Variants in PLEKHG4B observed in about 807,000 individuals in gnomAD.
The protein encoded by PLEKHG4B is pleckstrin homology domain-containing family G member 4B.
In PLEKHG4B, 111 loss-of-function variants were observed where a neutral mutation model predicts 121.3. The observed-to-expected ratio is 0.92, with a 90% confidence interval of 0.78 to 1.07. The LOEUF (loss-of-function observed/expected upper bound fraction) is 1.07, where lower values mean the gene tolerates loss of function less well. PLEKHG4B is among the 50% of genes least tolerant of loss of function. The pLI is 0.00. For missense variants in PLEKHG4B, 1,831 were observed against 1,757.8 expected (o/e 1.04, Z -0.74); for synonymous variants, 738 against 725.0 (o/e 1.02, Z -0.29).
intron 2 of PLEKHG4B, among the ~76,000 whole-genome samples, chr5:120,932 C>A (rs973586517): frequency 6.6e-6 from 1 of 152,062 alleles, no homozygotes; most frequent in African/African-American, 2.4e-5. Context: ...TGGAGAGTTT[C>A]AGATTTCGAA....
intron 6 of PLEKHG4B, among the ~76,000 whole-genome samples, chr5:149,359 A>T (rs558968448): frequency 1.3e-5 from 2 of 151,804 alleles, no homozygotes; most frequent in African/African-American, 4.8e-5. Flanking sequence ...CCTGGGCAAT[A>T]TAGTAAGACT....
At position 161,844 on chromosome 5, in the gene PLEKHG4B, T is replaced by C; in HGVS notation, c.2549T>C (p.Val850Ala). ...KENPQRTEEM[V>A]QDFRRGLSAV... ...AACCCGCAACGTACAGAGGAAATGGTCCAGGATTTCAGAAGGGGCCTGAGC... is the reference window on the plus strand; with the variant it reads ...AACCCGCAACGTACAGAGGAAATGGCCCAGGATTTCAGAAGGGGCCTGAGC... The change falls in exon 12 of 20, where the codon GTC (valine) becomes GCC (alanine). Residue 850 changes from valine to alanine, a missense_variant. By Grantham distance (64) the Val-to-Ala change is moderately conservative. Coordinates refer to ENST00000637938, the MANE Select transcript of PLEKHG4B (RefSeq NM_052909.5). 2.5e-6 allele frequency: 4 copies of C among 1,613,910 alleles called. No homozygotes were observed. Among genetic ancestry groups the C allele is most frequent in the Non-Finnish European group, 3.4e-6 (4 of 1,180,030 alleles).
At chr5:108,916 A>G (rs1374882620) in intron 1 of PLEKHG4B, among the ~76,000 whole-genome samples, 4 of 152,224 alleles carry the variant, frequency 2.6e-5, no homozygotes, top group Non-Finnish European at 5.9e-5. Context: ...TACCTGGGCC[A>G]GACGCCAGGA....
rs1735926454 is a variant in PLEKHG4B at position 159,651 on chromosome 5, T to G, written c.2488-2132T>G. Among the ~76,000 whole-genome samples, 1 of 152,206 alleles carries G rather than the reference T, an allele frequency of 6.6e-6. No homozygotes were observed. Among genetic ancestry groups the G allele is most frequent in the South Asian group, 2.1e-4 (1 of 4,828 alleles). Reference sequence around the variant, plus strand: ...TTTGTTCTGGCGCCAGAGGCTTTCCTGGCGACCCCTGGCTAGGAAGCCTGT... The same window carrying G: ...TTTGTTCTGGCGCCAGAGGCTTTCCGGGCGACCCCTGGCTAGGAAGCCTGT... On this transcript the variant is annotated intron_variant, in intron 11 of 19. Coordinates refer to ENST00000637938, the MANE Select transcript of PLEKHG4B (RefSeq NM_052909.5). This position sits in a 1 kb window ranked among gnomAD's most constrained non-coding sequence, Gnocchi z 5.5.
intron 2 of PLEKHG4B, among the ~76,000 whole-genome samples, chr5:127,664 A>C (rs929289773): frequency 6.6e-6 from 1 of 152,028 alleles, no homozygotes; most frequent in African/African-American, 2.4e-5. Flanking sequence ...ACAATATTGA[A>C]CTTGCACCTC....
chr5:107,075 T>G (rs10070362), intron 1 of PLEKHG4B, among the ~76,000 whole-genome samples: 1 of 152,112 alleles, frequency 6.6e-6, no homozygotes, highest in African/African-American at 2.4e-5. Flanking sequence ...GACTTGTGGA[T>G]GTAGACCCAC....
chr5:160,994 TACCTTCTG>T (rs1342405134), intron 11 of PLEKHG4B, among the ~76,000 whole-genome samples: 5 of 152,230 alleles, frequency 3.3e-5, no homozygotes, highest in African/African-American at 1.2e-4. Flanking sequence ...GGTCATTCGG[TACCTTCTG>T]ATGGTCATGG....
Position 139,406 on chromosome 5 carries a change from G to T in PLEKHG4B, c.244-77G>T, listed in dbSNP as rs1579276021. The T allele has an allele frequency of 2.5e-6, 1 of 398,724 alleles. No individual in the cohort carries two copies. The highest frequency in any genetic ancestry group is 3.6e-5 in the East Asian group (1 of 28,076). The allele number at this position is 398,724 out of a possible 1,614,324, so 24.7% of individuals were successfully genotyped here. Reference sequence around the variant, plus strand: ...AGCTCAGTCACTGACCTTCCCCTGAGGGGTGGAGACCCAGGGCATGGAAGG... The same window carrying T: ...AGCTCAGTCACTGACCTTCCCCTGATGGGTGGAGACCCAGGGCATGGAAGG... On this transcript the variant is annotated intron_variant, in intron 2 of 19. Coordinates refer to ENST00000637938, the MANE Select transcript of PLEKHG4B (RefSeq NM_052909.5). The surrounding 1 kb of genome is among the most constrained non-coding windows in gnomAD (Gnocchi z 5.0).
intron 3 of PLEKHG4B, among the ~76,000 whole-genome samples, chr5:141,711 A>ATTTTTTTTTT (rs34273619): frequency 7.8e-6 from 1 of 127,538 alleles, no homozygotes; most frequent in African/African-American, 3.1e-5. Context: ...TAAATATTTC[A>ATTTTTTTTTT]TTTTTTTTTT....
chr5:143,133 C>T lies in PLEKHG4B; in HGVS notation c.1564C>T (p.Arg522Trp), dbSNP rs759763364. 39 of 1,612,650 alleles carry T rather than the reference C, an allele frequency of 2.4e-5. No individual in the cohort carries two copies. Among genetic ancestry groups the T allele is most frequent in the East Asian group, 4.5e-5 (2 of 44,874 alleles). ...CAGCGGGCCTTCCGATGTGCCTGCC[C>T]GGCAGCCACACCCCGAGCAAGAAGG... ...NPSGPSDVPA[R>W]QPHPEQEGWP... Residue 522 changes from arginine to tryptophan, a missense_variant, in exon 4 of 20, where the codon CGG becomes TGG. Transcript: ENST00000637938.
intron 16 of PLEKHG4B, 99 bp from the exon 17 acceptor site, chr5:172,798 C>T (rs530292203): frequency 7.3e-7 from 1 of 1,370,056 alleles, no homozygotes; most frequent in South Asian, 1.2e-5. Flanking sequence ...GCTGTTCCGT[C>T]TTGTCACGAA....
Position 173,947 on chromosome 5 carries a change from C to T in PLEKHG4B, c.4251C>T (p.Val1417=), listed in dbSNP as rs201699462. The change falls in exon 18 of 20, where the codon GTC becomes GTT. Residue 1417 remains valine (V), a synonymous_variant. Transcript: ENST00000637938. ...CCGAGATCGGGATGACAGAGAACGT[C>T]GGGGACAGTGGCTTGAGGTTTGAGA... ...KTAEIGMTEN[V]GDSGLRFEIW... 6.2e-5 allele frequency: 100 copies of T among 1,613,320 alleles called. No individual in the cohort carries two copies. The highest frequency in any genetic ancestry group is 7.7e-5 in the Non-Finnish European group (91 of 1,179,892).
intron 13 of PLEKHG4B, 96 bp downstream of exon 13, chr5:163,644 A>G (rs937677234): frequency 4.8e-5 from 52 of 1,078,306 alleles, no homozygotes; most frequent in Non-Finnish European, 6.3e-5. Flanking sequence ...GCAAAGTAGA[A>G]AGTAAATCCG....
In PLEKHG4B at chr5:113,256, G is replaced by A. The variant is rs966523988; in HGVS notation, c.51G>A (p.Leu17=). The stretch of plus-strand genomic sequence containing the variant: ...AATTCTCTCTTTCATTTCAGGATCT[G>A]GAATCTCTTGATGCCTGTATCCAGA... The part of the protein sequence containing the change: ...DGGGGPGARD[L]ESLDACIQRT... The change falls in exon 2 of 20, where the codon CTG becomes CTA. Residue 17 remains leucine (L), a synonymous_variant. Transcript: ENST00000637938. The surrounding 1 kb of genome is among the most constrained non-coding windows in gnomAD (Gnocchi z 5.2). 4.8e-5 allele frequency: 19 copies of A among 399,022 alleles called. No homozygotes were observed. Among genetic ancestry groups the A allele is most frequent in the Non-Finnish European group, 8.4e-5 (19 of 226,144 alleles). 24.7% of individuals were successfully genotyped at this position (399,022 alleles called of 1,614,324 possible).
rs757873119 is a variant in PLEKHG4B, at chr5:169,633, G to T, written c.3729+41G>T. On this transcript the variant is annotated intron_variant, in intron 14 of 19. Coordinates refer to ENST00000637938, the MANE Select transcript of PLEKHG4B (RefSeq NM_052909.5). ...GGCGTGGGTGCCGGGCAACGTGGTG[G>T]GTGAAGCCGGTGTCAGAGAGGCGGG... 2.5e-6 allele frequency: 4 copies of T among 1,602,450 alleles called. No homozygotes were observed. The East Asian group carries it at 6.7e-5, about 27-fold the overall frequency.
Position 182,502 on chromosome 5 carries a change from A to G in PLEKHG4B, c.*179A>G. 1.6e-6 allele frequency: 1 copy of G among 629,562 alleles called. No homozygotes were observed. The allele number at this position is 629,562 out of a possible 1,614,324, so 39.0% of individuals were successfully genotyped here. On this transcript the variant is annotated 3_prime_UTR_variant, in exon 20 of 20. Coordinates refer to ENST00000637938, the MANE Select transcript of PLEKHG4B (RefSeq NM_052909.5). ...TTTTAGACATTCCCTAACATTTTCA[A>G]ACAAATTTATAATTTTGTCTTATTT...
intron 1 of PLEKHG4B, among the ~76,000 whole-genome samples, chr5:98,944 C>A (rs1733713843): frequency 8.0e-6 from 1 of 125,222 alleles, no homozygotes; most frequent in Non-Finnish European, 1.6e-5. Context: ...ATCATGAGGT[C>A]AGGAGTTTGA....
intron 2 of PLEKHG4B, among the ~76,000 whole-genome samples, chr5:119,030 TA>T (rs936080504): frequency 5.3e-5 from 8 of 152,218 alleles, no homozygotes; most frequent in African/African-American, 1.9e-4. Flanking sequence ...ATTTTATTTT[TA>T]AAATTTTTTG....
In PLEKHG4B at chr5:151,579, G is replaced by C; in HGVS notation, c.1972G>C (p.Asp658His). 6.3e-7 allele frequency: 1 copy of C among 1,588,412 alleles called. No homozygotes were observed. Among genetic ancestry groups the C allele is most frequent in the Non-Finnish European group, 8.6e-7 (1 of 1,158,032 alleles). The change falls in exon 7 of 20, where the codon GAC (aspartate) becomes CAC (histidine). Residue 658 changes from aspartate (D) to histidine (H), a missense_variant. Asp to His is a moderately conservative substitution (Grantham distance 81, BLOSUM62 -1). Coordinates refer to ENST00000637938, the MANE Select transcript of PLEKHG4B (RefSeq NM_052909.5). ...LVDKESAFRP[D>H]KDAIIQCEVV... Reference sequence around the variant, plus strand: ...AGATAAAGAATCTGCATTTAGGCCTGACAAGGATGCAATAATTCAGGTAAT... The same window carrying C: ...AGATAAAGAATCTGCATTTAGGCCTCACAAGGATGCAATAATTCAGGTAAT...
Sources: gnomAD v4.1 joint callset for allele counts (sites outside exome capture counted in the v4.1 genomes callset) on GRCh38, gnomAD v4.1.1 for gene constraint, Gnocchi (gnomAD v3.1) non-coding constraint, MANE v1.5 for transcripts, NCBI Gene and HGNC (gene_info 2026-07-23, HGNC 2026-07-21) for gene names.